Variants in PRKN observed in about 807,000 individuals in gnomAD.
PRKN encodes the protein E3 ubiquitin-protein ligase parkin.
Under a neutral mutation model 59.5 loss-of-function variants are expected in PRKN, and 56 were observed. That is an observed-to-expected ratio of 0.94 (90% CI 0.76 to 1.18). The LOEUF (loss-of-function observed/expected upper bound fraction) is 1.18. PRKN is among the 50% of genes most tolerant of loss of function. The pLI, the probability that PRKN is intolerant of heterozygous loss-of-function variation, is 0.00. For synonymous variants in PRKN, 250 were observed against 222.1 expected (o/e 1.13, Z -1.12); for missense variants, 657 against 596.4 (o/e 1.10, Z -1.06).
At chr6:162,402,639 T>C (rs1024902908) in intron 2 of PRKN, among the ~76,000 whole-genome samples, 6 of 148,954 alleles carry the variant, frequency 4.0e-5, no homozygotes, top group African/African-American at 1.5e-4. Context: ...TTGTCATATA[T>C]ATATATATTT....
chr6:162,283,873 A>G (rs1288580983), intron 2 of PRKN, among the ~76,000 whole-genome samples: 1 of 152,210 alleles, frequency 6.6e-6, no homozygotes, highest in African/African-American at 2.4e-5. Context: ...AGTGTCCTCT[A>G]TCTGAAATAA....
intron 1 of PRKN, among the ~76,000 whole-genome samples, chr6:162,513,412 G>A (rs1307301713): frequency 6.6e-6 from 1 of 151,820 alleles, no homozygotes; most frequent in East Asian, 1.9e-4. Context: ...CCAGGAGGGA[G>A]AGGTTGCAGT....
intron 9 of PRKN, among the ~76,000 whole-genome samples, chr6:161,455,676 C>T (rs1337972323): frequency 6.6e-6 from 1 of 151,726 alleles, no homozygotes; most frequent in African/African-American, 2.4e-5. Context: ...CCATCTTGGC[C>T]AACATGGTGA....
At chr6:162,116,730 A>G (rs905486434) in intron 4 of PRKN, among the ~76,000 whole-genome samples, 5 of 152,238 alleles carry the variant, frequency 3.3e-5, no homozygotes, top group African/African-American at 1.2e-4. Flanking sequence ...ATAGAACAGC[A>G]ATACACTGAA....
In PRKN at chr6:162,527,438, TA is replaced by T. The variant is rs1371157850; in HGVS notation, c.8-83966del. 2.6e-5 allele frequency among the ~76,000 whole-genome samples: 4 copies of T among 152,126 alleles called. No homozygotes were observed. The East Asian group carries it at 7.7e-4, about 29-fold the overall frequency. ...AAATAAAATAGTTACAAAGGTTGAATAAAAAATTATCTAAGTGAAAATCACT... is the reference window on the plus strand; with the variant it reads ...AAATAAAATAGTTACAAAGGTTGAATAAAAATTATCTAAGTGAAAATCACT... On this transcript the variant is annotated intron_variant, in intron 1 of 11. Coordinates refer to ENST00000366898, the MANE Select transcript of PRKN (RefSeq NM_004562.3).
chr6:161,716,251 G>T, intron 7 of PRKN: 1 of 491,328 alleles, frequency 2.0e-6, no homozygotes, highest in Non-Finnish European at 3.8e-6. Flanking sequence ...TGTCAGTGCT[G>T]ATAAAGAATT....
rs1785069032 is a variant in PRKN at position 161,363,597 on chromosome 6, A to G, written c.1168-3392T>C. 6.6e-6 allele frequency among the ~76,000 whole-genome samples: 1 copy of G among 152,162 alleles called. No homozygotes were observed. The highest frequency in any genetic ancestry group is 6.6e-5 in the Admixed American group (1 of 15,266). On this transcript the variant is annotated intron_variant, in intron 10 of 11. Transcript: ENST00000366898. The surrounding 1 kb of genome is among the most constrained non-coding windows in gnomAD (Gnocchi z 4.1). ...TTTTTCTAAGTAGAGTTCTGGAAGG[A>G]GATAACAAAGAGCATGAGAGAGAAA...
intron 6 of PRKN, among the ~76,000 whole-genome samples, chr6:161,934,940 A>G (rs1779298399): frequency 6.6e-6 from 1 of 152,138 alleles, no homozygotes; most frequent in Non-Finnish European, 1.5e-5. Flanking sequence ...TCAACTTATA[A>G]ATAGATGCTA....
chr6:162,370,279 T>C (rs1410619518), intron 2 of PRKN, among the ~76,000 whole-genome samples: 1 of 152,168 alleles, frequency 6.6e-6, no homozygotes, highest in African/African-American at 2.4e-5. Flanking sequence ...TTGCCTCTCA[T>C]GGAGATATAT....
At chr6:162,205,078 G>T (rs766655974) in intron 3 of PRKN, among the ~76,000 whole-genome samples, 3 of 151,872 alleles carry the variant, frequency 2.0e-5, no homozygotes, top group Non-Finnish European at 4.4e-5. Flanking sequence ...GGCCTGGATG[G>T]TCTTGATCTC....
In PRKN at chr6:161,831,195, C is replaced by T. The variant is rs116427215; in HGVS notation, c.735-45287G>A. 5.2e-3 allele frequency among the ~76,000 whole-genome samples: 797 copies of T among 152,334 alleles called. 11 individuals carry two copies. Among genetic ancestry groups the T allele is most frequent in the African/African-American group, 0.018 (751 of 41,576 alleles). On this transcript the variant is annotated intron_variant, in intron 6 of 11. Transcript: ENST00000366898. ...AGATGCAAACAACTGGAGAAACATA[C>T]AGGTGGTCTGCAGTTTCCACTTACA...
chr6:162,114,791 T>C (rs1008171352), intron 4 of PRKN, among the ~76,000 whole-genome samples: 5 of 151,860 alleles, frequency 3.3e-5, no homozygotes, highest in Admixed American at 3.3e-4. Flanking sequence ...AAAACCACAA[T>C]GAGATACCAT....
At chr6:162,051,530 G>C (rs1020204518) in intron 5 of PRKN, among the ~76,000 whole-genome samples, 11 of 152,282 alleles carry the variant, frequency 7.2e-5, no homozygotes, top group Non-Finnish European at 2.9e-5. Flanking sequence ...GTTCCTGCCT[G>C]AGAGGCGAGC....
intron 1 of PRKN, among the ~76,000 whole-genome samples, chr6:162,665,720 C>G (rs1311660575): frequency 2.0e-5 from 3 of 152,092 alleles, no homozygotes; most frequent in Non-Finnish European, 2.9e-5. Context: ...CCTGTATAGC[C>G]TAGACAATCC....
At chr6:161,822,370 G>A (rs1344927362) in intron 6 of PRKN, among the ~76,000 whole-genome samples, 1 of 152,168 alleles carries the variant, frequency 6.6e-6, no homozygotes, top group East Asian at 1.9e-4. Flanking sequence ...CATGCATCTT[G>A]GACGATGAAT....
chr6:162,380,443 ATAT>A (rs1786385214), intron 2 of PRKN, among the ~76,000 whole-genome samples: 1 of 90,410 alleles, frequency 1.1e-5, no homozygotes, highest in Non-Finnish European at 2.0e-5. Flanking sequence ...GTATATATAT[ATAT>A]GTATATATAC....
intron 1 of PRKN, among the ~76,000 whole-genome samples, chr6:162,676,938 G>T (rs1263592096): frequency 6.6e-6 from 1 of 151,894 alleles, no homozygotes; most frequent in East Asian, 1.9e-4. Context: ...GTGGGTGCCT[G>T]TAATCCCAGC....
chr6:162,483,779 C>T (rs62428782), intron 1 of PRKN, among the ~76,000 whole-genome samples: 35,459 of 152,038 alleles, frequency 0.23, 5,212 homozygotes, highest in African/African-American at 0.41. Context: ...TAGGTATTTA[C>T]ATGACAGAAA....
intron 4 of PRKN, among the ~76,000 whole-genome samples, chr6:162,099,115 A>C (rs1410133555): frequency 6.6e-6 from 1 of 152,058 alleles, no homozygotes; most frequent in Non-Finnish European, 1.5e-5. Flanking sequence ...GCCAGCATAC[A>C]TTTTTCCATG....
Sources: gnomAD v4.1 joint callset for allele counts (sites outside exome capture counted in the v4.1 genomes callset) on GRCh38, gnomAD v4.1.1 for gene constraint, Gnocchi (gnomAD v3.1) non-coding constraint, MANE v1.5 for transcripts, NCBI Gene and HGNC (gene_info 2026-07-23, HGNC 2026-07-21) for gene names.